The following PKP4 variants were observed in gnomAD, a reference collection of about 807,000 sequenced individuals.
PKP4 encodes plakophilin-4.
Under a neutral mutation model 145.1 loss-of-function variants are expected in PKP4, and 90 were observed. The observed-to-expected ratio is 0.62, with a 90% confidence interval of 0.52 to 0.74. PKP4 has a LOEUF of 0.74. PKP4 is among the 30% of genes least tolerant of loss of function. PKP4 has a pLI of 0.00. For missense variants in PKP4, 1,340 were observed against 1,482.7 expected (o/e 0.90, Z 1.58); for synonymous variants, 563 against 577.2 (o/e 0.98, Z 0.35).
chr2:158,629,301 A>T (rs2053130249), intron 7 of PKP4, among the ~76,000 whole-genome samples: 1 of 152,016 alleles, frequency 6.6e-6, no homozygotes, highest in Non-Finnish European at 1.5e-5. Flanking sequence ...TCCATGAGGG[A>T]TAGCTGTGTC....
chr2:158,642,901 TAA>T (rs1342989532), intron 11 of PKP4, among the ~76,000 whole-genome samples: 1 of 152,240 alleles, frequency 6.6e-6, no homozygotes, highest in Non-Finnish European at 1.5e-5. Context: ...TCTATTAGTA[TAA>T]GTTATTGTAC....
intron 1 of PKP4, among the ~76,000 whole-genome samples, chr2:158,468,970 G>C (rs1216773096): frequency 6.6e-6 from 1 of 151,652 alleles, no homozygotes; most frequent in Non-Finnish European, 1.5e-5. Context: ...TTGTAGGGGC[G>C]ATCTGGCCAT....
chr2:158,657,814 G>A (rs2056137497), intron 11 of PKP4, among the ~76,000 whole-genome samples: 1 of 152,146 alleles, frequency 6.6e-6, no homozygotes, highest in Non-Finnish European at 1.5e-5. Flanking sequence ...TGCTTGGATT[G>A]TGCCCCTCTC....
intron 1 of PKP4, among the ~76,000 whole-genome samples, chr2:158,514,102 G>A (rs915738776): frequency 1.3e-5 from 2 of 152,102 alleles, no homozygotes; most frequent in African/African-American, 4.8e-5. Context: ...AACACCATCT[G>A]GTGTATAAAT....
chr2:158,559,031 T>A (rs563395521), intron 2 of PKP4, among the ~76,000 whole-genome samples: 68 of 152,298 alleles, frequency 4.5e-4, no homozygotes, highest in African/African-American at 1.6e-3. Context: ...TGGGTTAGTT[T>A]TTTCTCTTCA....
intron 2 of PKP4, among the ~76,000 whole-genome samples, chr2:158,547,491 A>T (rs1293192658): frequency 1.3e-5 from 2 of 152,164 alleles, no homozygotes; most frequent in African/African-American, 4.8e-5. Flanking sequence ...CAAGTCCATG[A>T]TTGCTGGGGA....
At chr2:158,517,395 C>G (rs1262936341) in intron 1 of PKP4, among the ~76,000 whole-genome samples, 1 of 152,148 alleles carries the variant, frequency 6.6e-6, no homozygotes, top group Non-Finnish European at 1.5e-5. Context: ...CCTGTTGAAA[C>G]TCTTTTGAGC....
chr2:158,473,506 A>G (rs1032999545), intron 1 of PKP4, among the ~76,000 whole-genome samples: 2 of 152,214 alleles, frequency 1.3e-5, no homozygotes, highest in African/African-American at 4.8e-5. Context: ...GGTCTTTTGC[A>G]AGAACATGGA....
At chr2:158,575,721 C>T (rs752725274) in intron 2 of PKP4, among the ~76,000 whole-genome samples, 2 of 151,822 alleles carry the variant, frequency 1.3e-5, no homozygotes, top group Non-Finnish European at 2.9e-5. Context: ...TTGATACAAC[C>T]AGGCAGTCTT....
rs79534754 is a variant in PKP4 at position 158,625,018 on chromosome 2, G to C, written c.744G>C (p.Pro248=). ...CTCTGGGTAGTGGATTTGGCTCTCC[G>C]TCAGTGACCGACCCCCGACCTCTGA... ...RTSLGSGFGS[P]SVTDPRPLNP... Residue 248 remains proline, a synonymous_variant, in exon 7 of 22, where the codon CCG becomes CCC. Coordinates refer to ENST00000389759, the MANE Select transcript of PKP4 (RefSeq NM_003628.6). 1 of 1,614,102 alleles carries C rather than the reference G, an allele frequency of 6.2e-7. No homozygotes were observed. The highest frequency in any genetic ancestry group is 8.5e-7 in the Non-Finnish European group (1 of 1,180,018).
chr2:158,631,689 G>T (rs2053374074), intron 7 of PKP4, 64 bp from the exon 8 acceptor site: 3 of 1,370,260 alleles, frequency 2.2e-6, no homozygotes, highest in Non-Finnish European at 3.1e-6. Flanking sequence ...TTTAATTAGG[G>T]TTTATGTTTT....
chr2:158,631,868 A>C lies in PKP4; in HGVS notation c.1269A>C (p.Pro423=), dbSNP rs145624406. 1.6e-4 allele frequency: 266 copies of C among 1,614,038 alleles called. No homozygotes were observed. The highest frequency in any genetic ancestry group is 2.1e-4 in the Non-Finnish European group (250 of 1,180,016). The change falls in exon 8 of 22, where the codon CCA becomes CCC. Residue 423 remains proline (P), a synonymous_variant. Transcript: ENST00000389759. ...PIYEGRTYYS[P]VYRSPNHGTV... is the part of the protein sequence containing the mutation. Reference sequence around the variant, plus strand: ...ATGAGGGGAGGACCTATTACAGCCCAGTGTACCGCAGCCCAAACCATGGAA... The same window carrying C: ...ATGAGGGGAGGACCTATTACAGCCCCGTGTACCGCAGCCCAAACCATGGAA...
At chr2:158,596,210 G>T (rs2049726141) in intron 3 of PKP4, among the ~76,000 whole-genome samples, 1 of 152,090 alleles carries the variant, frequency 6.6e-6, no homozygotes, top group South Asian at 2.1e-4. Flanking sequence ...GTTATAAAAT[G>T]AGCAAATCAC....
chr2:158,596,131 G>T (rs2049719253), intron 3 of PKP4, among the ~76,000 whole-genome samples: 2 of 151,436 alleles, frequency 1.3e-5, no homozygotes. Context: ...CTATACATTT[G>T]CTAATGGAGT....
At chr2:158,542,193 A>G (rs2044582566) in intron 2 of PKP4, among the ~76,000 whole-genome samples, 1 of 152,172 alleles carries the variant, frequency 6.6e-6, no homozygotes, top group African/African-American at 2.4e-5. Flanking sequence ...TGCTTACTGG[A>G]GATTTCCCAT....
At chr2:158,619,928 C>G (rs910388492) in intron 4 of PKP4, among the ~76,000 whole-genome samples, 2 of 151,590 alleles carry the variant, frequency 1.3e-5, no homozygotes, top group African/African-American at 2.4e-5. Context: ...TCCATTCCCC[C>G]AGACACACAC....
Position 158,663,343 on chromosome 2 carries a change from G to A in PKP4, c.2475G>A (p.Ser825=), listed in dbSNP as rs568606380. The A allele has an allele frequency of 2.8e-5, 46 of 1,614,044 alleles. No homozygotes were observed. The highest frequency in any genetic ancestry group is 6.7e-5 in the African/African-American group (5 of 75,026). ...GGGTTGAGATGCTGTGGCACCCATC[G>A]GTGGTAAAACCATATCTGACTCTTC... is the stretch of plus-strand genomic sequence containing the variant. ...PKGVEMLWHP[S]VVKPYLTLLA... The change falls in exon 15 of 22, where the codon TCG becomes TCA. Residue 825 remains serine (S), a synonymous_variant. Coordinates refer to ENST00000389759, the MANE Select transcript of PKP4 (RefSeq NM_003628.6).
chr2:158,529,577 G>C (rs1456732076), intron 1 of PKP4, among the ~76,000 whole-genome samples: 1 of 152,188 alleles, frequency 6.6e-6, no homozygotes, highest in Non-Finnish European at 1.5e-5. Flanking sequence ...GTCCCAAGGA[G>C]CCTGAAGGAA....
At chr2:158,511,574 G>A (rs1443221771) in intron 1 of PKP4, among the ~76,000 whole-genome samples, 1 of 152,028 alleles carries the variant, frequency 6.6e-6, no homozygotes, top group African/African-American at 2.4e-5. Context: ...ATTTAATCTA[G>A]TATTTAACTG....
Sources: gnomAD v4.1 joint callset for allele counts (sites outside exome capture counted in the v4.1 genomes callset) on GRCh38, gnomAD v4.1.1 for gene constraint, MANE v1.5 for transcripts, NCBI Gene and HGNC (gene_info 2026-07-23, HGNC 2026-07-21) for gene names.